The following GRB10 variants were observed in gnomAD, a reference collection of about 807,000 sequenced individuals.
The protein encoded by GRB10 is growth factor receptor-bound protein 10.
Under a neutral mutation model 80.9 loss-of-function variants are expected in GRB10, and 20 were observed. The ratio of observed to expected loss-of-function variants is 0.25; its 90% CI spans 0.17 to 0.36. The LOEUF (loss-of-function observed/expected upper bound fraction) is 0.36, where lower values mean the gene tolerates loss of function less well. Among genes scored for constraint, GRB10 ranks in the 10% least tolerant of loss-of-function variants. The probability of loss-of-function intolerance (pLI) is 1.00; values close to 1 mark genes in which losing one functional copy is unlikely to be tolerated. For missense variants in GRB10, 548 were observed against 747.7 expected, an observed-to-expected ratio of 0.73 and a Z score of 3.12; for synonymous variants, 291 against 291.5, an observed-to-expected ratio of 1.00 and a Z score of 0.02.
At chr7:50,593,865 A>G (rs2046178517) in intron 18 of GRB10, among the ~76,000 whole-genome samples, 1 of 152,188 alleles carries the variant, frequency 6.6e-6, no homozygotes, top group Admixed American at 6.5e-5. Flanking sequence ...TCCCACAGCC[A>G]GTTTTCACAC....
chr7:50,666,461 T>C (rs1379654402), intron 7 of GRB10, among the ~76,000 whole-genome samples: 5 of 152,176 alleles, frequency 3.3e-5, no homozygotes, highest in South Asian at 2.1e-4. Flanking sequence ...TCAAGTCCCA[T>C]TGGCCCGTAG....
chr7:50,672,342 C>T (rs1322490246), intron 6 of GRB10, among the ~76,000 whole-genome samples: 2 of 152,208 alleles, frequency 1.3e-5, no homozygotes, highest in African/African-American at 4.8e-5. Context: ...GCGAGGGTAA[C>T]CCACACTGCC....
chr7:50,669,884 C>T (rs770496854), intron 6 of GRB10, 21 bp from the exon 7 acceptor site: 3 of 1,599,962 alleles, frequency 1.9e-6, no homozygotes, highest in African/African-American at 1.3e-5. Context: ...GGGATAAGTG[C>T]CTGTTAAAAG....
chr7:50,676,180 T>G (rs1371430027), intron 5 of GRB10, among the ~76,000 whole-genome samples: 1 of 152,094 alleles, frequency 6.6e-6, no homozygotes, highest in Non-Finnish European at 1.5e-5. Flanking sequence ...TACCAAAGGC[T>G]ACATTGGTAG....
At chr7:50,666,415 T>TC (rs2059805286) in intron 7 of GRB10, among the ~76,000 whole-genome samples, 3 of 152,106 alleles carry the variant, frequency 2.0e-5, no homozygotes. Context: ...CCATGACTAC[T>TC]CCCATGCAGA....
chr7:50,676,335 C>CGGGGGGGGGGGGGG (rs3040026), intron 5 of GRB10, among the ~76,000 whole-genome samples: 56 of 93,214 alleles, frequency 6.0e-4, no homozygotes, highest in East Asian at 8.9e-4. Flanking sequence ...TCCACCCCAC[C>CGGGGGGGGGGGGGG]GGGGGGGGGG....
intron 3 of GRB10, among the ~76,000 whole-genome samples, chr7:50,736,745 C>T (rs951625026): frequency 5.9e-5 from 9 of 152,210 alleles, no homozygotes; most frequent in Non-Finnish European, 1.0e-4. Context: ...ATTAACGCCA[C>T]TACACTCCAG....
chr7:50,614,245 T>A (rs149588031), intron 12 of GRB10, among the ~76,000 whole-genome samples: 1 of 151,396 alleles, frequency 6.6e-6, no homozygotes, highest in African/African-American at 2.5e-5. Context: ...TCTATACATG[T>A]ATGTATGCAC....
At chr7:50,744,038 C>T (rs1239528966) in intron 3 of GRB10, among the ~76,000 whole-genome samples, 2 of 152,134 alleles carry the variant, frequency 1.3e-5, no homozygotes, top group Non-Finnish European at 2.9e-5. Flanking sequence ...CCTCCACATG[C>T]AGCCTTCTCA....
rs1562682289 is a variant in GRB10, at chr7:50,773,465, A to AG, written c.-217+7161dup. 7.9e-4 allele frequency among the ~76,000 whole-genome samples: 33 copies of AG among 41,800 alleles called. 3 individuals are homozygous for AG. The highest frequency in any genetic ancestry group is 4.4e-3 in the African/African-American group (31 of 7,030). The allele number at this position is 41,800 out of a possible 152,430, so 27.4% of individuals were successfully genotyped here. A position where few individuals can be genotyped will look rare whatever the true frequency, so the allele number is the denominator to read the frequency against. On this transcript the variant is annotated intron_variant, in intron 2 of 18. Coordinates refer to ENST00000401949, the MANE Select transcript of GRB10 (RefSeq NM_001350814.2). The stretch of plus-strand genomic sequence containing the variant: ...AGAAAGGGGAAGGGAGGGGAGGGGA[A>AG]GGCAGGGGAGGGGAAGGCAGGGGAG...
Position 50,592,647 on chromosome 7 carries a change from G to A in GRB10, c.*305C>T, listed in dbSNP as rs977853342. On this transcript the variant is annotated 3_prime_UTR_variant, in exon 19 of 19. Coordinates refer to ENST00000401949, the MANE Select transcript of GRB10 (RefSeq NM_001350814.2). Reference sequence around the variant, plus strand: ...AGTTCATTTCCAATCACTTCTCTCCGGTTCTTGTTCCTAAGCGGCCCAAGC... The same window carrying A: ...AGTTCATTTCCAATCACTTCTCTCCAGTTCTTGTTCCTAAGCGGCCCAAGC... 2.0e-5 allele frequency: 9 copies of A among 447,776 alleles called. No individual in the cohort carries two copies. Among genetic ancestry groups the A allele is most frequent in the African/African-American group, 5.9e-5 (3 of 50,628 alleles). The allele number at this position is 447,776 out of a possible 1,614,324, so 27.7% of individuals were successfully genotyped here.
At chr7:50,742,314 C>CACACAT (rs1563676656) in intron 3 of GRB10, among the ~76,000 whole-genome samples, 75 of 148,014 alleles carry the variant, frequency 5.1e-4, no homozygotes, top group African/African-American at 1.9e-3. Context: ...CACACACACA[C>CACACAT]ATACACGGCA....
intron 2 of GRB10, among the ~76,000 whole-genome samples, chr7:50,760,414 T>C (rs1048891896): frequency 2.0e-5 from 3 of 152,202 alleles, no homozygotes; most frequent in African/African-American, 7.2e-5. Context: ...ATGGAAAGAT[T>C]AAACATCATA....
intron 4 of GRB10, among the ~76,000 whole-genome samples, chr7:50,724,902 T>C (rs2068347459): frequency 6.6e-6 from 1 of 152,130 alleles, no homozygotes; most frequent in East Asian, 1.9e-4. Context: ...TCAAGTAATA[T>C]GACTCTGTGC....
chr7:50,728,607 T>TCTG (rs1436759103), intron 4 of GRB10, among the ~76,000 whole-genome samples: 5 of 152,128 alleles, frequency 3.3e-5, no homozygotes, highest in Non-Finnish European at 5.9e-5. Context: ...ACTACCCAAC[T>TCTG]CTGCTGATGG....
At chr7:50,634,280 T>C (rs929424682) in intron 7 of GRB10, among the ~76,000 whole-genome samples, 3 of 152,208 alleles carry the variant, frequency 2.0e-5, no homozygotes, top group Non-Finnish European at 2.9e-5. Context: ...GAATTTTATA[T>C]TCTGCCAAAC....
intron 7 of GRB10, among the ~76,000 whole-genome samples, chr7:50,639,913 T>C (rs1286823291): frequency 6.6e-6 from 1 of 152,246 alleles, no homozygotes; most frequent in African/African-American, 2.4e-5. Context: ...AACATGTTTT[T>C]ATAAAATAGA....
At chr7:50,610,217 C>T (rs1293784884) in intron 13 of GRB10, among the ~76,000 whole-genome samples, 3 of 152,194 alleles carry the variant, frequency 2.0e-5, no homozygotes, top group Non-Finnish European at 4.4e-5. Flanking sequence ...GAGTTACCTC[C>T]CCACTGTCCC....
chr7:50,659,553 C>T (rs138625520), intron 7 of GRB10, among the ~76,000 whole-genome samples: 17 of 152,348 alleles, frequency 1.1e-4, no homozygotes, highest in African/African-American at 1.9e-4. Flanking sequence ...GCTCCCAGGT[C>T]GCTCTGGGTC....
Sources: allele counts gnomAD v4.1 joint callset (sites outside exome capture counted in the v4.1 genomes callset), GRCh38; gene constraint gnomAD v4.1.1; transcripts MANE v1.5; gene names NCBI Gene and HGNC (gene_info 2026-07-23, HGNC 2026-07-21).